Variants in BBOX1 observed in about 807,000 individuals in gnomAD.
BBOX1 encodes gamma-butyrobetaine dioxygenase.
Under a neutral mutation model 41.6 loss-of-function variants are expected in BBOX1, and 35 were observed. The ratio of observed to expected loss-of-function variants is 0.84; its 90% CI spans 0.64 to 1.11. BBOX1 has a LOEUF of 1.11. Ranked by LOEUF, BBOX1 falls within the 50% of genes most tolerant of loss-of-function variation. The pLI, the probability that BBOX1 is intolerant of heterozygous loss-of-function variation, is 0.00. For missense variants in BBOX1, 458 were observed against 460.6 expected (o/e 0.99, Z 0.05); for synonymous variants, 163 against 154.7 (o/e 1.05, Z -0.40).
intron 5 of BBOX1, among the ~76,000 whole-genome samples, chr11:27,101,979 C>T (rs1044820099): frequency 2.6e-5 from 4 of 152,042 alleles, no homozygotes; most frequent in African/African-American, 9.7e-5. Flanking sequence ...ACCATTTTGA[C>T]AAGTATCTCC....
chr11:27,079,478 A>C (rs1590194160), intron 4 of BBOX1, among the ~76,000 whole-genome samples: 1 of 152,232 alleles, frequency 6.6e-6, no homozygotes, highest in African/African-American at 2.4e-5. Flanking sequence ...AAAATTCCAA[A>C]CTGAAAATTG....
chr11:27,054,301 T>G (rs1856910664), intron 2 of BBOX1, among the ~76,000 whole-genome samples: 1 of 151,880 alleles, frequency 6.6e-6, no homozygotes, highest in African/African-American at 2.4e-5. Flanking sequence ...TTGTTTCCAT[T>G]GTCATATGTC....
intron 4 of BBOX1, among the ~76,000 whole-genome samples, chr11:27,090,236 GTTCT>G (rs1343470482): frequency 6.6e-6 from 1 of 151,910 alleles, no homozygotes; most frequent in Non-Finnish European, 1.5e-5. Flanking sequence ...TTCAACGTAG[GTTCT>G]TTCTATTTTC....
chr11:27,095,879 G>C lies in BBOX1; in HGVS notation c.533+2513G>C, dbSNP rs78373614. ...GTGATACTGAAGTCTGGGTAACGTA[G>C]ATTTAAAAGAAGAAAGAATACTTAG... On this transcript the variant is annotated intron_variant, in intron 5 of 8. Transcript: ENST00000263182. Among the ~76,000 whole-genome samples the C allele has an allele frequency of 2.2e-3, 334 of 152,136 alleles. 3 individuals are homozygous for C. Among genetic ancestry groups the C allele is most frequent in the African/African-American group, 7.6e-3 (314 of 41,532 alleles).
At chr11:27,066,151 T>TCC (rs1172045550) in intron 4 of BBOX1, among the ~76,000 whole-genome samples, 2 of 152,190 alleles carry the variant, frequency 1.3e-5, no homozygotes, top group African/African-American at 2.4e-5. Flanking sequence ...GAATGGGCTT[T>TCC]CCTTAGTGAA....
intron 4 of BBOX1, among the ~76,000 whole-genome samples, chr11:27,079,879 C>T (rs1375074847): frequency 6.6e-6 from 1 of 152,094 alleles, no homozygotes; most frequent in East Asian, 1.9e-4. Context: ...GATACTCATC[C>T]AACTTATTAG....
chr11:27,117,768 A>G (rs994595615), intron 6 of BBOX1, among the ~76,000 whole-genome samples: 1 of 152,020 alleles, frequency 6.6e-6, no homozygotes, highest in African/African-American at 2.4e-5. Context: ...TCATAGTCAT[A>G]GCACATTATA....
chr11:27,053,617 ATC>A (rs961207649), intron 2 of BBOX1, among the ~76,000 whole-genome samples: 11 of 152,252 alleles, frequency 7.2e-5, no homozygotes, highest in African/African-American at 2.6e-4. Flanking sequence ...CATTGGAGCC[ATC>A]TTTGTCTTTT....
At chr11:27,055,308 G>A (rs1856943978) in intron 2 of BBOX1, 85 bp from the exon 3 acceptor site, 2 of 856,412 alleles carry the variant, frequency 2.3e-6, no homozygotes, top group African/African-American at 3.4e-5. Context: ...GCAGAGGCCA[G>A]AGTCCACTTG....
chr11:27,082,284 A>AG (rs1857871731), intron 4 of BBOX1, among the ~76,000 whole-genome samples: 1 of 152,112 alleles, frequency 6.6e-6, no homozygotes, highest in Non-Finnish European at 1.5e-5. Context: ...TTTAAAAGGT[A>AG]TATTGTGCCT....
At position 27,079,328 on chromosome 11, in the gene BBOX1, G is replaced by A. The variant is rs181018698; in HGVS notation, c.335-13840G>A. 2.6e-5 allele frequency among the ~76,000 whole-genome samples: 4 copies of A among 152,236 alleles called. No homozygotes were observed. The East Asian group carries it at 7.7e-4, about 29-fold the overall frequency. On this transcript the variant is annotated intron_variant, in intron 4 of 8. Transcript: ENST00000263182. ...CCAATCAAGAATATAGAAATGTTTGGTGAAGCTGGAATGACCAGAAAACTT... is the reference window on the plus strand; with the variant it reads ...CCAATCAAGAATATAGAAATGTTTGATGAAGCTGGAATGACCAGAAAACTT...
intron 8 of BBOX1, among the ~76,000 whole-genome samples, chr11:27,126,379 A>T (rs1859651965): frequency 6.6e-6 from 1 of 152,234 alleles, no homozygotes; most frequent in Admixed American, 6.5e-5. Context: ...GGTTAATTTT[A>T]AAAATGGCAA....
intron 4 of BBOX1, among the ~76,000 whole-genome samples, chr11:27,072,703 G>A (rs1857495484): frequency 6.6e-6 from 1 of 152,108 alleles, no homozygotes; most frequent in Non-Finnish European, 1.5e-5. Context: ...AAACAGCATG[G>A]TACTGGTACC....
At chr11:27,079,453 G>T (rs1329281024) in intron 4 of BBOX1, among the ~76,000 whole-genome samples, 1 of 152,058 alleles carries the variant, frequency 6.6e-6, no homozygotes, top group Admixed American at 6.6e-5. Flanking sequence ...ATATGTGCTA[G>T]ATACTTGAAA....
intron 5 of BBOX1, among the ~76,000 whole-genome samples, chr11:27,112,678 C>T (rs1372903): frequency 0.32 from 48,969 of 151,684 alleles, 9,909 homozygotes; most frequent in African/African-American, 0.57. Context: ...AAGACTTAAA[C>T]GTAAAACCTA....
intron 4 of BBOX1, among the ~76,000 whole-genome samples, chr11:27,091,330 T>C (rs996430012): frequency 3.5e-4 from 53 of 151,986 alleles, no homozygotes; most frequent in African/African-American, 1.0e-3. Flanking sequence ...ACCTACTGCA[T>C]ATCACCATGC....
chr11:27,057,341 C>A, intron 4 of BBOX1, 26 bp downstream of exon 4: 1 of 1,532,422 alleles, frequency 6.5e-7, no homozygotes, highest in Non-Finnish European at 9.0e-7. Context: ...TCTTCAATGT[C>A]TTTTTAAACC....
At chr11:27,078,298 C>G (rs1033580046) in intron 4 of BBOX1, among the ~76,000 whole-genome samples, 1 of 152,136 alleles carries the variant, frequency 6.6e-6, no homozygotes, top group African/African-American at 2.4e-5. Context: ...CTTTCATATA[C>G]AAATGAAAAC....
chr11:27,079,990 T>C (rs895329146), intron 4 of BBOX1, among the ~76,000 whole-genome samples: 1 of 152,114 alleles, frequency 6.6e-6, no homozygotes, highest in Non-Finnish European at 1.5e-5. Flanking sequence ...TCATATGCCC[T>C]TCTTCTTCCT....
Sources: gnomAD v4.1 joint callset for allele counts (sites outside exome capture counted in the v4.1 genomes callset) on GRCh38, gnomAD v4.1.1 for gene constraint, MANE v1.5 for transcripts, NCBI Gene and HGNC (gene_info 2026-07-23, HGNC 2026-07-21) for gene names.